DPYSL2: variants seen among roughly 807,000 people sequenced by gnomAD.
The protein encoded by DPYSL2 is dihydropyrimidinase like 2, also known as dihydropyrimidinase-related protein 2.
A neutral mutation model predicts 69.9 loss-of-function variants in DPYSL2; 13 were observed. The ratio of observed to expected loss-of-function variants is 0.19; its 90% CI spans 0.12 to 0.30. The LOEUF (loss-of-function observed/expected upper bound fraction) is 0.30, where lower values mean the gene tolerates loss of function less well. Ranked by LOEUF, DPYSL2 falls within the 10% of genes least tolerant of loss-of-function variation. The probability of loss-of-function intolerance (pLI) is 1.00; values close to 1 mark genes in which losing one functional copy is unlikely to be tolerated. For synonymous variants in DPYSL2, 326 were observed against 359.1 expected, an observed-to-expected ratio of 0.91 and a Z score of 1.04; for missense variants, 587 against 918.9, an observed-to-expected ratio of 0.64 and a Z score of 4.67.
chr8:26,556,609 T>A (rs1800992590), intron 1 of DPYSL2, among the ~76,000 whole-genome samples: 1 of 151,456 alleles, frequency 6.6e-6, no homozygotes, highest in Non-Finnish European at 1.5e-5. Flanking sequence ...GTTATAAATC[T>A]AACAATATGT....
At chr8:26,541,136 A>G (rs1434816096) in intron 1 of DPYSL2, among the ~76,000 whole-genome samples, 1 of 152,158 alleles carries the variant, frequency 6.6e-6, no homozygotes, top group East Asian at 1.9e-4. Flanking sequence ...ACAAATAAAG[A>G]ATTTTCAAAG....
At chr8:26,646,940 T>G (rs2129980950) in intron 10 of DPYSL2, among the ~76,000 whole-genome samples, 1 of 151,606 alleles carries the variant, frequency 6.6e-6, no homozygotes, top group South Asian at 2.1e-4. Context: ...CTGTGATCAC[T>G]CTACTGCACT....
chr8:26,555,305 A>G (rs1800927956), intron 1 of DPYSL2, among the ~76,000 whole-genome samples: 1 of 152,204 alleles, frequency 6.6e-6, no homozygotes, highest in Non-Finnish European at 1.5e-5. Context: ...GAAGGAAGAA[A>G]TAAAACTTTG....
chr8:26,581,460 G>A (rs1214016056), intron 1 of DPYSL2, among the ~76,000 whole-genome samples: 1 of 150,258 alleles, frequency 6.7e-6, no homozygotes, highest in Non-Finnish European at 1.5e-5. Context: ...TACAACCTCC[G>A]CCTGCTGCTT....
rs56177404 is a variant in DPYSL2, at chr8:26,650,956, C to T, written c.1597-1301C>T. 0.014 allele frequency among the ~76,000 whole-genome samples: 2,057 copies of T among 152,322 alleles called. 20 individuals carry two copies. The highest frequency in any genetic ancestry group is 0.022 in the Non-Finnish European group (1,492 of 68,026). The stretch of plus-strand genomic sequence containing the variant: ...CCCAGTGGCACAAACAAACCCATAT[C>T]CCCCTAGAAGAACTTGGATTTAGTC... On this transcript the variant is annotated intron_variant, in intron 11 of 13. Coordinates refer to ENST00000521913, the MANE Select transcript of DPYSL2 (RefSeq NM_001197293.3). The surrounding 1 kb of genome is among the most constrained non-coding windows in gnomAD (Gnocchi z 5.3).
Position 26,643,345 on chromosome 8 carries a change from C to A in DPYSL2, c.1127-94C>A. The A allele has an allele frequency of 7.4e-7, 1 of 1,357,536 alleles. No homozygotes were observed. The highest frequency in any genetic ancestry group is 1.0e-6 in the Non-Finnish European group (1 of 996,210). 84.1% of individuals were successfully genotyped at this position (1,357,536 alleles called of 1,614,324 possible). A position where few individuals can be genotyped will look rare whatever the true frequency, so the allele number is the denominator to read the frequency against. On this transcript the variant is annotated intron_variant, in intron 8 of 13. Transcript: ENST00000521913. This position sits in a 1 kb window ranked among gnomAD's most constrained non-coding sequence, Gnocchi z 6.5. ...TTCCTATAAAGGGATAGTGAGTGCA[C>A]TGGGTGCTGCTGGGCAGGCAGTGGC...
chr8:26,632,667 C>T (rs148119567), intron 7 of DPYSL2, among the ~76,000 whole-genome samples: 86 of 152,266 alleles, frequency 5.6e-4, no homozygotes, highest in African/African-American at 2.0e-3. Flanking sequence ...GGCGAAACCC[C>T]GTGTTGGGAC....
At chr8:26,541,852 C>T (rs1800688834) in intron 1 of DPYSL2, among the ~76,000 whole-genome samples, 1 of 151,964 alleles carries the variant, frequency 6.6e-6, no homozygotes, top group South Asian at 2.1e-4. Flanking sequence ...AATCATCAAA[C>T]AACAAAGACA....
chr8:26,645,457 T>A (rs1025312979), intron 10 of DPYSL2, among the ~76,000 whole-genome samples: 8 of 152,068 alleles, frequency 5.3e-5, no homozygotes, highest in Admixed American at 1.3e-4. Flanking sequence ...TAGTCTTTTT[T>A]AAAAAAAATT....
intron 11 of DPYSL2, among the ~76,000 whole-genome samples, chr8:26,651,464 T>C (rs1803278008): frequency 6.6e-6 from 1 of 152,276 alleles, no homozygotes; most frequent in Non-Finnish European, 1.5e-5. Context: ...GCCACAGCCA[T>C]TGGTCCCCGT....
chr8:26,633,981 T>C (rs1371888517), intron 7 of DPYSL2, among the ~76,000 whole-genome samples: 1 of 152,242 alleles, frequency 6.6e-6, no homozygotes, highest in East Asian at 1.9e-4. Flanking sequence ...GAGCATTTAA[T>C]GGGAGCCCAG....
rs11993210 is a variant in DPYSL2, at chr8:26,563,690, G to A, written c.355-18279G>A. ...GCTTATTTCCTTGATGGCACTGACT[G>A]CAATCTGAAGTTATCCTTTGTATTT... On this transcript the variant is annotated intron_variant, in intron 1 of 13. Transcript: ENST00000521913. Among the ~76,000 whole-genome samples, 618 of 152,306 alleles carry A rather than the reference G, an allele frequency of 4.1e-3. 4 individuals are homozygous for A. The highest frequency in any genetic ancestry group is 0.014 in the African/African-American group (563 of 41,554).
At chr8:26,577,842 C>G (rs1801390965) in intron 1 of DPYSL2, 2 of 1,047,714 alleles carry the variant, frequency 1.9e-6, no homozygotes, top group Middle Eastern at 4.6e-4. Context: ...GGATCGCGGC[C>G]AATCGCTGCT....
rs143199938 is a variant in DPYSL2, at chr8:26,603,585, C to T, written c.628+19602C>T. Among the ~76,000 whole-genome samples the T allele has an allele frequency of 6.9e-3, 1,050 of 152,332 alleles. 35 individuals carry two copies. Among genetic ancestry groups the T allele is most frequent in the Admixed American group, 0.051 (775 of 15,302 alleles). On this transcript the variant is annotated intron_variant, in intron 3 of 13. Transcript: ENST00000521913. ...ATTCGCATTGTTGTACAGTCATCAC[C>T]GTGGTCCACTTCCAGAACTTTATCA...
Position 26,586,460 on chromosome 8 carries a change from T to C in DPYSL2, c.628+2477T>C, listed in dbSNP as rs1801604927. 6.6e-6 allele frequency among the ~76,000 whole-genome samples: 1 copy of C among 152,080 alleles called. No individual in the cohort carries two copies. Among genetic ancestry groups the C allele is most frequent in the Non-Finnish European group, 1.5e-5 (1 of 68,010 alleles). ...CTGGAAAGAATCCCTCAGCCCACCA[T>C]CTCCTGTCCTGCATTCCTGGGTCTG... On this transcript the variant is annotated intron_variant, in intron 3 of 13. Coordinates refer to ENST00000521913, the MANE Select transcript of DPYSL2 (RefSeq NM_001197293.3). The surrounding 1 kb of genome is among the most constrained non-coding windows in gnomAD (Gnocchi z 4.7).
chr8:26,542,345 C>A (rs1014254997), intron 1 of DPYSL2, among the ~76,000 whole-genome samples: 6 of 152,124 alleles, frequency 3.9e-5, no homozygotes, highest in Non-Finnish European at 5.9e-5. Flanking sequence ...GTATAAAAAA[C>A]AAGATCAAGT....
rs997108601 is a variant in DPYSL2, at chr8:26,614,772, T to C, written c.629-9371T>C. 6.6e-6 allele frequency among the ~76,000 whole-genome samples: 1 copy of C among 152,234 alleles called. No homozygotes were observed. The highest frequency in any genetic ancestry group is 1.5e-5 in the Non-Finnish European group (1 of 68,042). The stretch of plus-strand genomic sequence containing the variant: ...GTGTAGGAAAGAGAAAGGAGAGGGC[T>C]ACTCAAGTGCCTGAAGGTCCGAGCA... On this transcript the variant is annotated intron_variant, in intron 3 of 13. Transcript: ENST00000521913. The surrounding 1 kb of genome is among the most constrained non-coding windows in gnomAD (Gnocchi z 4.9).
At chr8:26,603,962 A>T (rs1451204073) in intron 3 of DPYSL2, among the ~76,000 whole-genome samples, 4 of 152,172 alleles carry the variant, frequency 2.6e-5, no homozygotes, top group African/African-American at 9.7e-5. Context: ...GCAAATATCT[A>T]TTCAAGTCCC....
Position 26,643,312 on chromosome 8 carries a change from C to T in DPYSL2, c.1127-127C>T, listed in dbSNP as rs998570296. ...TCAGTTTCCTCATCTGCGAGATGAGCCTGATATTTCCTATAAAGGGATAGT... is the reference window on the plus strand; with the variant it reads ...TCAGTTTCCTCATCTGCGAGATGAGTCTGATATTTCCTATAAAGGGATAGT... On this transcript the variant is annotated intron_variant, in intron 8 of 13. Coordinates refer to ENST00000521913, the MANE Select transcript of DPYSL2 (RefSeq NM_001197293.3). The surrounding 1 kb of genome is among the most constrained non-coding windows in gnomAD (Gnocchi z 6.5). 2.1e-5 allele frequency: 21 copies of T among 1,015,948 alleles called. No homozygotes were observed. The highest frequency in any genetic ancestry group is 2.8e-5 in the Non-Finnish European group (20 of 710,690). 62.9% of individuals were successfully genotyped at this position (1,015,948 alleles called of 1,614,324 possible). A position where few individuals can be genotyped will look rare whatever the true frequency, so the allele number is the denominator to read the frequency against.
Sources: allele counts gnomAD v4.1 joint callset (sites outside exome capture counted in the v4.1 genomes callset), GRCh38; gene constraint gnomAD v4.1.1; non-coding constraint Gnocchi (gnomAD v3.1); transcripts MANE v1.5; gene names NCBI Gene and HGNC (gene_info 2026-07-23, HGNC 2026-07-21).